MDM4: variants seen among roughly 807,000 people sequenced by gnomAD.
MDM4 encodes MDM4 regulator of p53.
In MDM4, 2 loss-of-function variants were observed where a neutral mutation model predicts 60.2. That is an observed-to-expected ratio of 0.03 (90% CI 0.01 to 0.10). The LOEUF (loss-of-function observed/expected upper bound fraction) is 0.10. Among genes scored for constraint, MDM4 ranks in the 10% least tolerant of loss-of-function variants. The pLI is 1.00. For synonymous variants in MDM4, 202 were observed against 198.1 expected, an observed-to-expected ratio of 1.02 and a Z score of -0.17; for missense variants, 447 against 577.5, an observed-to-expected ratio of 0.77 and a Z score of 2.32.
chr1:204,554,675 A>C lies in MDM4; in HGVS notation c.*4993A>C, dbSNP rs1021855564. ...GCCCCTAAGGCTAAACAAAATAATCAGTATCTGAGATAGTGGCTAATGTGG... is the reference window on the plus strand; with the variant it reads ...GCCCCTAAGGCTAAACAAAATAATCCGTATCTGAGATAGTGGCTAATGTGG... On this transcript the variant is annotated 3_prime_UTR_variant, in exon 11 of 11. Coordinates refer to ENST00000367182, the MANE Select transcript of MDM4 (RefSeq NM_002393.5). The C allele has an allele frequency of 1.3e-5, 3 of 227,610 alleles. No homozygotes were observed. The highest frequency in any genetic ancestry group is 6.7e-5 in the African/African-American group (3 of 45,078). The allele number at this position is 227,610 out of a possible 1,614,324, so 14.1% of individuals were successfully genotyped here.
intron 5 of MDM4, among the ~76,000 whole-genome samples, chr1:204,534,522 CTG>C (rs1661190342): frequency 6.6e-6 from 1 of 152,178 alleles, no homozygotes; most frequent in Non-Finnish European, 1.5e-5. Flanking sequence ...CAGGATCTCT[CTG>C]TTGCTCAGGC....
rs1246026527 is a variant in MDM4 at position 204,554,019 on chromosome 1, A to G, written c.*4337A>G. Reference sequence around the variant, plus strand: ...GTTGTGTTTTAATTATAATTTATGTATAGTTAGATGTATGTAGTGCATTGT... The same window carrying G: ...GTTGTGTTTTAATTATAATTTATGTGTAGTTAGATGTATGTAGTGCATTGT... On this transcript the variant is annotated 3_prime_UTR_variant, in exon 11 of 11. Transcript: ENST00000367182. 8.9e-6 allele frequency: 2 copies of G among 225,558 alleles called. No homozygotes were observed. Among genetic ancestry groups the G allele is most frequent in the African/African-American group, 4.5e-5 (2 of 44,922 alleles). 14.0% of individuals were successfully genotyped at this position (225,558 alleles called of 1,614,324 possible). A position where few individuals can be genotyped will look rare whatever the true frequency, so the allele number is the denominator to read the frequency against.
intron 3 of MDM4, among the ~76,000 whole-genome samples, chr1:204,528,127 T>C (rs1660424222): frequency 6.6e-6 from 1 of 151,082 alleles, no homozygotes; most frequent in African/African-American, 2.4e-5. Context: ...ACAATTTCAC[T>C]GAACTTTTGG....
At chr1:204,523,181 T>G (rs1659744268) in intron 1 of MDM4, among the ~76,000 whole-genome samples, 2 of 150,922 alleles carry the variant, frequency 1.3e-5, no homozygotes, top group African/African-American at 2.4e-5. Flanking sequence ...TAAAAAAATT[T>G]TTTTTTGTCC....
intron 10 of MDM4, 23 bp downstream of exon 10, chr1:204,546,900 ATTTT>A (rs775724342): frequency 1.5e-5 from 22 of 1,437,310 alleles, no homozygotes; most frequent in Non-Finnish European, 2.2e-5. Flanking sequence ...AGCAAGAACT[ATTTT>A]GCACCAGCCC....
chr1:204,549,942 CAA>C lies in MDM4; in HGVS notation c.*261_*262del, dbSNP rs1346264710. 2.4e-5 allele frequency: 8 copies of C among 335,328 alleles called. No individual in the cohort carries two copies. Among genetic ancestry groups the C allele is most frequent in the African/African-American group, 4.2e-5 (2 of 47,478 alleles). 20.8% of individuals were successfully genotyped at this position (335,328 alleles called of 1,614,324 possible). ...AACCCAAAAGAAAAACTCTTGAAAA[CAA>C]GAGATTTCTTCCATGCACATTTACA... On this transcript the variant is annotated 3_prime_UTR_variant, in exon 11 of 11. Transcript: ENST00000367182.
intron 1 of MDM4, among the ~76,000 whole-genome samples, chr1:204,523,116 G>A (rs1358175223): frequency 3.3e-5 from 5 of 150,344 alleles, no homozygotes; most frequent in Admixed American, 6.6e-5. Flanking sequence ...ACCTTCCTCA[G>A]CCTCCCAAAG....
chr1:204,546,810 GA>G lies in MDM4; in HGVS notation c.842del (p.Asn281MetfsTer10), dbSNP rs2102440603. 1 of 1,612,200 alleles carries G rather than the reference GA, an allele frequency of 6.2e-7. No individual in the cohort carries two copies. Among genetic ancestry groups the G allele is most frequent in the Non-Finnish European group, 8.5e-7 (1 of 1,178,564 alleles). ...KVSDKKVIEVGKNDDLEDSKS... is the reference protein window; with the variant it reads ...KVSDKKVIEVXKNDDLEDSKS... ...TTGCCTTCACAGGTGATTGAAGTGG[GA>G]AAAAATGATGACCTGGAGGACTCTA... On this transcript the variant is annotated frameshift_variant, in exon 10 of 11. Coordinates refer to ENST00000367182, the MANE Select transcript of MDM4 (RefSeq NM_002393.5). LOFTEE classifies it high-confidence loss of function.
At chr1:204,541,900 G>A (rs1291021326) in intron 7 of MDM4, among the ~76,000 whole-genome samples, 1 of 152,120 alleles carries the variant, frequency 6.6e-6, no homozygotes, top group East Asian at 1.9e-4. Context: ...TAACCCCATG[G>A]TTGCTATGGG....
chr1:204,539,399 G>A (rs932195980), intron 7 of MDM4, among the ~76,000 whole-genome samples: 2 of 152,112 alleles, frequency 1.3e-5, no homozygotes, highest in African/African-American at 4.8e-5. Flanking sequence ...TTGAAATGTT[G>A]AGCATTCTCA....
In MDM4 at chr1:204,542,908, T is replaced by A; in HGVS notation, c.636T>A (p.Pro212=). ...GAAACTTGAGAAGCAACTATACACCTAGAAGTAATGGCTCAACTGATTTAC... is the reference window on the plus strand; with the variant it reads ...GAAACTTGAGAAGCAACTATACACCAAGAAGTAATGGCTCAACTGATTTAC... ...FLGNLRSNYT[P]RSNGSTDLQT... The change falls in exon 8 of 11, where the codon CCT becomes CCA. Residue 212 remains proline (P), a synonymous_variant. Transcript: ENST00000367182. 1 of 1,613,436 alleles carries A rather than the reference T, an allele frequency of 6.2e-7. No individual in the cohort carries two copies. Among genetic ancestry groups the A allele is most frequent in the Non-Finnish European group, 8.5e-7 (1 of 1,179,740 alleles).
intron 1 of MDM4, among the ~76,000 whole-genome samples, chr1:204,521,701 TG>T (rs757098172): frequency 3.9e-5 from 6 of 152,298 alleles, no homozygotes; most frequent in Middle Eastern, 3.4e-3. Context: ...CGTGGTTCAT[TG>T]GGAGCCATTT....
At chr1:204,519,879 A>G (rs1659383060) in intron 1 of MDM4, among the ~76,000 whole-genome samples, 1 of 152,230 alleles carries the variant, frequency 6.6e-6, no homozygotes, top group Admixed American at 6.5e-5. Flanking sequence ...GATGGAATAA[A>G]TAACAGAACG....
Position 204,546,836 on chromosome 1 carries a change from A to C in MDM4, c.862A>C (p.Lys288Gln), listed in dbSNP as rs774096960. The change falls in exon 10 of 11, where the codon AAG becomes CAG. Residue 288 changes from lysine to glutamine, a missense_variant. By Grantham distance (53) the Lys-to-Gln change is moderately conservative. This residue lies in a region of MDM4 where 184 missense variants were observed against 179.3 expected (regional missense o/e 1.03). Transcript: ENST00000367182. ...VGKNDDLEDSKSLSDDTDVEV... is the reference protein window; with the variant it reads ...VGKNDDLEDSQSLSDDTDVEV... ...AAAAAATGATGACCTGGAGGACTCT[A>C]AGTCCTTAAGTGATGATACCGATGT... 3 of 1,613,046 alleles carry C rather than the reference A, an allele frequency of 1.9e-6. No individual in the cohort carries two copies. In the African/African-American group the frequency reaches 4.0e-5, roughly 22 times the overall value.
intron 1 of MDM4, among the ~76,000 whole-genome samples, chr1:204,520,088 T>C (rs1390081913): frequency 6.6e-6 from 1 of 151,912 alleles, no homozygotes; most frequent in Non-Finnish European, 1.5e-5. Context: ...CCATCCTGGC[T>C]AACATGGTGA....
rs1660630265 is a variant in MDM4 at position 204,529,554 on chromosome 1, C to T, written c.154-1130C>T. Reference sequence around the variant, plus strand: ...ATAAGGCCCTCCAGGGGCAGGACCCCCATAGCCACCACCAGGGGGTAGCAC... The same window carrying T: ...ATAAGGCCCTCCAGGGGCAGGACCCTCATAGCCACCACCAGGGGGTAGCAC... On this transcript the variant is annotated intron_variant, in intron 3 of 10. Coordinates refer to ENST00000367182, the MANE Select transcript of MDM4 (RefSeq NM_002393.5). 4 of 1,478,980 alleles carry T rather than the reference C, an allele frequency of 2.7e-6. No homozygotes were observed. The Admixed American group carries it at 8.5e-5, about 31-fold the overall frequency. The allele number at this position is 1,478,980 out of a possible 1,614,324, so 91.6% of individuals were successfully genotyped here.
At chr1:204,524,518 C>T (rs1040448160) in intron 1 of MDM4, among the ~76,000 whole-genome samples, 2 of 152,224 alleles carry the variant, frequency 1.3e-5, no homozygotes, top group East Asian at 3.8e-4. Flanking sequence ...GTGGCTCACG[C>T]CTGTAATCCC....
rs115988029 is a variant in MDM4, at chr1:204,555,670, G to C, written c.*5988G>C. The stretch of plus-strand genomic sequence containing the variant: ...GCCTGAGCTCAGGAGTTCGAGACCA[G>C]TCTGACCAGTATGGTGAAACCCTGT... On this transcript the variant is annotated 3_prime_UTR_variant, in exon 11 of 11. Transcript: ENST00000367182. 2,194 of 166,070 alleles carry C rather than the reference G, an allele frequency of 0.013. 28 individuals are homozygous for C. Among genetic ancestry groups the C allele is most frequent in the Middle Eastern group, 0.024 (9 of 370 alleles). The allele number at this position is 166,070 out of a possible 1,614,324, so 10.3% of individuals were successfully genotyped here. A position where few individuals can be genotyped will look rare whatever the true frequency, so the allele number is the denominator to read the frequency against.
chr1:204,544,910 A>T (rs1046674611), intron 9 of MDM4, among the ~76,000 whole-genome samples: 4 of 152,078 alleles, frequency 2.6e-5, no homozygotes, highest in African/African-American at 9.7e-5. Context: ...TTTTCCCCTG[A>T]TTATAGCAAC....
Sources: gnomAD v4.1 joint callset for allele counts (sites outside exome capture counted in the v4.1 genomes callset) on GRCh38, gnomAD v4.1.1 for gene constraint, gnomAD v4.1.1 regional missense constraint, MANE v1.5 for transcripts, NCBI Gene and HGNC (gene_info 2026-07-23, HGNC 2026-07-21) for gene names.